The following TNNI3K variants were observed in gnomAD, a reference collection of about 807,000 sequenced individuals.
TNNI3K encodes TNNI3 interacting kinase.
TNNI3K carries 140 observed loss-of-function variants against 114.5 expected under a neutral mutation model. The ratio of observed to expected loss-of-function variants is 1.22; its 90% CI spans 1.07 to 1.41. TNNI3K has a LOEUF of 1.41. Ranked by LOEUF, TNNI3K falls within the 40% of genes most tolerant of loss-of-function variation. The pLI, the probability that TNNI3K is intolerant of heterozygous loss-of-function variation, is 0.00. For synonymous variants in TNNI3K, 347 were observed against 347.5 expected, an observed-to-expected ratio of 1.00 and a Z score of 0.02; for missense variants, 1,125 against 1,007.6, an observed-to-expected ratio of 1.12 and a Z score of -1.58.
Position 74,489,187 on chromosome 1 carries a change from A to C in TNNI3K, c.2122-2A>C, listed in dbSNP as rs1293080505. ...GAAAAAAGTTCTTTTTTCTATTTAC[A>C]GGGAAGACCCGAATTTTCTGAAGTT... is the stretch of plus-strand genomic sequence containing the variant. On this transcript the variant is annotated splice_acceptor_variant, in intron 21 of 24. Transcript: ENST00000326637. LOFTEE classifies it high-confidence loss of function. 1 of 1,609,890 alleles carries C rather than the reference A, an allele frequency of 6.2e-7. No individual in the cohort carries two copies. The highest frequency in any genetic ancestry group is 1.1e-5 in the South Asian group (1 of 90,060).
rs142781480 is a variant in TNNI3K, at chr1:74,430,132, C to T, written c.1773-5948C>T. On this transcript the variant is annotated intron_variant, in intron 17 of 24. Transcript: ENST00000326637. ...GTCACCTTGATCCTTCTAAGGCCAC[C>T]ATGAACTTCAGTCCAGCTCTGGAAG... Among the ~76,000 whole-genome samples the T allele has an allele frequency of 9.6e-3, 1,455 of 152,154 alleles. 25 individuals are homozygous for T. Among genetic ancestry groups the T allele is most frequent in the African/African-American group, 0.033 (1,390 of 41,534 alleles).
chr1:74,335,998 A>T lies in TNNI3K; in HGVS notation c.544-13A>T. On this transcript the variant is annotated splice_polypyrimidine_tract_variant and intron_variant, in intron 6 of 24. Coordinates refer to ENST00000326637, the MANE Select transcript of TNNI3K (RefSeq NM_015978.3). ...GAATTTTTATACTGATTTCAAATGAATAAATCCTTTAGGTAACTCGCCTTC... is the reference window on the plus strand; with the variant it reads ...GAATTTTTATACTGATTTCAAATGATTAAATCCTTTAGGTAACTCGCCTTC... 6.4e-7 allele frequency: 1 copy of T among 1,562,802 alleles called. No individual in the cohort carries two copies. The highest frequency in any genetic ancestry group is 8.6e-7 in the Non-Finnish European group (1 of 1,163,322).
chr1:74,513,482 G>T (rs1646297434), intron 23 of TNNI3K, among the ~76,000 whole-genome samples: 1 of 152,198 alleles, frequency 6.6e-6, no homozygotes, highest in Admixed American at 6.5e-5. Context: ...CATCTGCAGA[G>T]AACTTTGCAT....
At chr1:74,370,262 C>G (rs1464434579) in intron 16 of TNNI3K, 26 bp from the exon 17 acceptor site, 1 of 1,560,324 alleles carries the variant, frequency 6.4e-7, no homozygotes, top group Non-Finnish European at 8.7e-7. Context: ...CATTTCATCT[C>G]TGTTAAATCT....
chr1:74,369,580 G>A lies in TNNI3K; in HGVS notation c.1662G>A (p.Gln554=), dbSNP rs776668108. The A allele has an allele frequency of 6.2e-7, 1 of 1,605,092 alleles. No homozygotes were observed. Among genetic ancestry groups the A allele is most frequent in the Non-Finnish European group, 8.5e-7 (1 of 1,176,002 alleles). ...GGSLFSLLHE[Q]KRILDLQSKL... ...CTCTGTTCTCCCTCCTTCATGAGCA[G>A]AAGAGGTATGGGTCTTTTGTTCTGA... Residue 554 remains glutamine (Q), a synonymous_variant, in exon 16 of 25, where the codon CAG becomes CAA. Transcript: ENST00000326637.
chr1:74,460,623 ATCT>A (rs1667418029), intron 20 of TNNI3K, among the ~76,000 whole-genome samples: 1 of 152,242 alleles, frequency 6.6e-6, no homozygotes, highest in Non-Finnish European at 1.5e-5. Context: ...TCCTTCCTGA[ATCT>A]GTAATACCAG....
intron 21 of TNNI3K, among the ~76,000 whole-genome samples, chr1:74,467,575 A>G (rs1273904828): frequency 6.6e-6 from 1 of 151,938 alleles, no homozygotes. Flanking sequence ...TATGGCAATT[A>G]TATTTTTTTC....
At chr1:74,504,720 A>G (rs1451497349) in intron 23 of TNNI3K, among the ~76,000 whole-genome samples, 1 of 152,104 alleles carries the variant, frequency 6.6e-6, no homozygotes, top group Non-Finnish European at 1.5e-5. Flanking sequence ...TATTTAGGTT[A>G]CAACATATCC....
intron 5 of TNNI3K, among the ~76,000 whole-genome samples, chr1:74,312,525 G>T (rs1444244731): frequency 6.6e-6 from 1 of 152,220 alleles, no homozygotes; most frequent in Non-Finnish European, 1.5e-5. Context: ...TTTGCAGGCT[G>T]ACTGGAAGAT....
chr1:74,410,984 AT>A (rs542456814), intron 17 of TNNI3K, among the ~76,000 whole-genome samples: 2 of 151,976 alleles, frequency 1.3e-5, no homozygotes, highest in Admixed American at 6.6e-5. Flanking sequence ...TGTGGAAATA[AT>A]TTTTTTTGTC....
At chr1:74,279,863 T>C (rs928237194) in intron 5 of TNNI3K, among the ~76,000 whole-genome samples, 3 of 152,128 alleles carry the variant, frequency 2.0e-5, no homozygotes, top group Non-Finnish European at 4.4e-5. Flanking sequence ...AAGAAAGTTA[T>C]AATGCAATGG....
chr1:74,297,522 C>CGTGTGTGTGTGTGTGT (rs10633137), intron 5 of TNNI3K, among the ~76,000 whole-genome samples: 2,744 of 145,410 alleles, frequency 0.019, 50 homozygotes, highest in African/African-American at 0.026. Context: ...TGTGTGTGTG[C>CGTGTGTGTGTGTGTGT]GTGTGTGTGT....
At chr1:74,445,022 CA>C (rs1342612569) in intron 20 of TNNI3K, among the ~76,000 whole-genome samples, 2 of 151,972 alleles carry the variant, frequency 1.3e-5, no homozygotes, top group African/African-American at 4.8e-5. Context: ...ATATCTTATA[CA>C]AAAATTAACT....
At chr1:74,362,910 A>G (rs1438397518) in intron 11 of TNNI3K, among the ~76,000 whole-genome samples, 1 of 152,132 alleles carries the variant, frequency 6.6e-6, no homozygotes, top group African/African-American at 2.4e-5. Flanking sequence ...CATTTGCCAA[A>G]ACCCTCAGGT....
chr1:74,476,948 A>G (rs147708227), intron 21 of TNNI3K, among the ~76,000 whole-genome samples: 55 of 152,238 alleles, frequency 3.6e-4, no homozygotes, highest in African/African-American at 1.3e-3. Flanking sequence ...TCCTCATACC[A>G]TTGTATAGTT....
chr1:74,336,182 C>A, intron 7 of TNNI3K, 33 bp downstream of exon 7: 2 of 1,580,572 alleles, frequency 1.3e-6, no homozygotes, highest in Non-Finnish European at 1.7e-6. Context: ...CCTTTGCTAT[C>A]ATTTGCTTTA....
chr1:74,332,033 C>T (rs2100414227), intron 6 of TNNI3K, among the ~76,000 whole-genome samples: 1 of 152,198 alleles, frequency 6.6e-6, no homozygotes, highest in African/African-American at 2.4e-5. Flanking sequence ...AAAACAATTA[C>T]TAATGTGCTT....
At chr1:74,538,321 A>G (rs559550936) in intron 23 of TNNI3K, among the ~76,000 whole-genome samples, 1 of 152,060 alleles carries the variant, frequency 6.6e-6, no homozygotes, top group Non-Finnish European at 1.5e-5. Flanking sequence ...TAAGGCTTTT[A>G]TTATAATAAG....
intron 20 of TNNI3K, among the ~76,000 whole-genome samples, chr1:74,443,189 CA>C (rs1250896093): frequency 3.3e-5 from 5 of 151,840 alleles, no homozygotes; most frequent in African/African-American, 1.2e-4. Flanking sequence ...TATAGAGACA[CA>C]AAAAACCTTT....
Sources: allele counts gnomAD v4.1 joint callset (sites outside exome capture counted in the v4.1 genomes callset), GRCh38; gene constraint gnomAD v4.1.1; transcripts MANE v1.5; gene names NCBI Gene and HGNC (gene_info 2026-07-23, HGNC 2026-07-21).